The following DPP6 variants were observed in gnomAD, a reference collection of about 807,000 sequenced individuals.
The protein encoded by DPP6 is dipeptidyl peptidase like 6.
In DPP6, 69 loss-of-function variants were observed where a neutral mutation model predicts 122.6. The observed-to-expected ratio is 0.56, with a 90% CI of 0.46 to 0.69. DPP6 has a LOEUF of 0.69. Among genes scored for constraint, DPP6 ranks in the 30% least tolerant of loss-of-function variants. The probability of loss-of-function intolerance (pLI) is 0.00; values close to 1 mark genes in which losing one functional copy is unlikely to be tolerated. For missense variants in DPP6, 928 were observed against 1,116.9 expected, an observed-to-expected ratio of 0.83 and a Z score of 2.41; for synonymous variants, 418 against 433.1, an observed-to-expected ratio of 0.97 and a Z score of 0.43.
intron 1 of DPP6, among the ~76,000 whole-genome samples, chr7:154,314,150 C>T (rs535724220): frequency 6.6e-6 from 1 of 152,092 alleles, no homozygotes; most frequent in Non-Finnish European, 1.5e-5. Context: ...GGCATGGATG[C>T]CCCTGACTTC....
chr7:154,265,357 C>G (rs1267000531), intron 1 of DPP6, among the ~76,000 whole-genome samples: 1 of 152,098 alleles, frequency 6.6e-6, no homozygotes, highest in Admixed American at 6.6e-5. Context: ...TGTGGTGCAG[C>G]CTTCTTAGAT....
intron 7 of DPP6, among the ~76,000 whole-genome samples, chr7:154,713,311 T>G (rs1841303884): frequency 6.6e-6 from 1 of 152,192 alleles, no homozygotes; most frequent in Non-Finnish European, 1.5e-5. Flanking sequence ...GATCTACCAT[T>G]CTGGGATCTG....
intron 1 of DPP6, among the ~76,000 whole-genome samples, chr7:153,995,452 G>A (rs1797378479): frequency 1.3e-5 from 2 of 152,072 alleles, no homozygotes; most frequent in Admixed American, 6.5e-5. Context: ...CAGGGGTGGT[G>A]GCGGATGCCT....
intron 1 of DPP6, among the ~76,000 whole-genome samples, chr7:154,361,221 G>T (rs1811696555): frequency 6.6e-6 from 1 of 152,218 alleles, no homozygotes; most frequent in Non-Finnish European, 1.5e-5. Context: ...TGGAATGCAA[G>T]TTGTCACTGC....
At chr7:153,997,515 T>G (rs1271937318) in intron 1 of DPP6, among the ~76,000 whole-genome samples, 37 of 151,870 alleles carry the variant, frequency 2.4e-4, no homozygotes, top group South Asian at 1.0e-3. Context: ...TGGTGATCAC[T>G]TAAGGCCCAT....
chr7:154,446,687 A>G (rs1819900808), intron 2 of DPP6, among the ~76,000 whole-genome samples: 1 of 152,234 alleles, frequency 6.6e-6, no homozygotes, highest in Non-Finnish European at 1.5e-5. Context: ...TATTAAAACA[A>G]CATATGTTGA....
chr7:154,343,431 A>G (rs1004405309), intron 1 of DPP6, among the ~76,000 whole-genome samples: 1 of 152,232 alleles, frequency 6.6e-6, no homozygotes, highest in South Asian at 2.1e-4. Flanking sequence ...ATTTTGAGAC[A>G]GTTTGGGTCT....
intron 7 of DPP6, among the ~76,000 whole-genome samples, chr7:154,723,664 T>C (rs761600919): frequency 1.3e-5 from 2 of 152,224 alleles, no homozygotes; most frequent in African/African-American, 2.4e-5. Flanking sequence ...GATCCATCCC[T>C]CTGTGGGAAC....
At chr7:153,762,187 G>A in the DPP6 span, among the ~76,000 whole-genome samples, 1 of 152,110 alleles carries the variant, frequency 6.6e-6, no homozygotes, top group Non-Finnish European at 1.5e-5. Context: ...GTTTACTTCT[G>A]TTAATTTGTA....
At position 153,964,930 on chromosome 7, in the gene DPP6, CTT is replaced by C. The variant is rs1451733088; in HGVS notation, c.51+77198_51+77199del. ...TTTCTTTTCCTTTCTTTCTTTCTTT[CTT>C]TCTTTCTTTTTCTTTCTTTCTCTCT... On this transcript the variant is annotated intron_variant, in intron 1 of 25. Transcript: ENST00000404039. Among the ~76,000 whole-genome samples the C allele has an allele frequency of 1.2e-4, 14 of 112,214 alleles. No homozygotes were observed. In the East Asian group the frequency reaches 2.2e-3, roughly 18 times the overall value. The allele number at this position is 112,214 out of a possible 152,430, so 73.6% of individuals were successfully genotyped here.
intron 18 of DPP6, among the ~76,000 whole-genome samples, chr7:154,870,199 G>A (rs907214732): frequency 7.3e-6 from 1 of 136,144 alleles, no homozygotes; most frequent in Non-Finnish European, 1.5e-5. Context: ...TGCCCAAACT[G>A]GTCTTGAACT....
chr7:154,357,357 T>C (rs992451612), intron 1 of DPP6, among the ~76,000 whole-genome samples: 5 of 151,986 alleles, frequency 3.3e-5, no homozygotes, highest in Admixed American at 2.6e-4. Flanking sequence ...AGCACTTTGC[T>C]GTCCATTTTG....
At chr7:153,759,185 T>A in the DPP6 span, among the ~76,000 whole-genome samples, 1 of 152,102 alleles carries the variant, frequency 6.6e-6, no homozygotes, top group Non-Finnish European at 1.5e-5. Flanking sequence ...GGCTAAAGGG[T>A]TTCTGAAAAT....
At chr7:154,809,790 C>A (rs1198975021) in intron 16 of DPP6, among the ~76,000 whole-genome samples, 2 of 152,214 alleles carry the variant, frequency 1.3e-5, no homozygotes, top group Non-Finnish European at 2.9e-5. Context: ...GGCTGAGCTG[C>A]TCGGTCATAT....
In DPP6 at chr7:154,621,506, T is replaced by C. The variant is rs567494828; in HGVS notation, c.628-16315T>C. ...GCCTCAGCCTCCCAAGTAGCTGGGATTACAGGCTCATGCCACCACACCCAG... is the reference window on the plus strand; with the variant it reads ...GCCTCAGCCTCCCAAGTAGCTGGGACTACAGGCTCATGCCACCACACCCAG... On this transcript the variant is annotated intron_variant, in intron 5 of 25. Coordinates refer to ENST00000377770, the MANE Select transcript of DPP6 (RefSeq NM_130797.4). Among the ~76,000 whole-genome samples, 518 of 152,182 alleles carry C rather than the reference T, an allele frequency of 3.4e-3. 2 individuals carry two copies. The highest frequency in any genetic ancestry group is 4.6e-3 in the Non-Finnish European group (316 of 68,000).
rs1388740438 is a variant in DPP6 at position 154,486,516 on chromosome 7, A to G, written c.457+11479A>G. Reference sequence around the variant, plus strand: ...TTTATTGCTCTTCTCTTTTTCTGAAAATACCGTTGCTCATCACTTCTCTGC... The same window carrying G: ...TTTATTGCTCTTCTCTTTTTCTGAAGATACCGTTGCTCATCACTTCTCTGC... On this transcript the variant is annotated intron_variant, in intron 3 of 25. Coordinates refer to ENST00000377770, the MANE Select transcript of DPP6 (RefSeq NM_130797.4). This position sits in a 1 kb window ranked among gnomAD's most constrained non-coding sequence, Gnocchi z 4.5. 1.3e-5 allele frequency among the ~76,000 whole-genome samples: 2 copies of G among 152,152 alleles called. No individual in the cohort carries two copies. The highest frequency in any genetic ancestry group is 4.8e-5 in the African/African-American group (2 of 41,426).
chr7:154,853,328 G>A (rs574703249), intron 16 of DPP6, among the ~76,000 whole-genome samples: 2 of 152,286 alleles, frequency 1.3e-5, no homozygotes, highest in East Asian at 1.9e-4. Flanking sequence ...ACATGAATAC[G>A]TTTTTACAAG....
chr7:154,371,948 G>A (rs567127906), intron 1 of DPP6, among the ~76,000 whole-genome samples: 2 of 152,198 alleles, frequency 1.3e-5, no homozygotes, highest in South Asian at 4.2e-4. Flanking sequence ...TTTATGATGC[G>A]GGCAGGAGGA....
At chr7:154,683,294 G>A (rs1436773793) in intron 7 of DPP6, among the ~76,000 whole-genome samples, 2 of 152,118 alleles carry the variant, frequency 1.3e-5, no homozygotes, top group African/African-American at 2.4e-5. Flanking sequence ...GGCCAACTGT[G>A]CACTCCAGAC....
Sources: gnomAD v4.1 joint callset for allele counts (sites outside exome capture counted in the v4.1 genomes callset) on GRCh38, gnomAD v4.1.1 for gene constraint, Gnocchi (gnomAD v3.1) non-coding constraint, MANE v1.5 for transcripts, NCBI Gene and HGNC (gene_info 2026-07-23, HGNC 2026-07-21) for gene names.